PGAM5: variants seen among roughly 807,000 people sequenced by gnomAD.
The protein encoded by PGAM5 is serine/threonine-protein phosphatase PGAM5, mitochondrial.
Under a neutral mutation model 30.6 loss-of-function variants are expected in PGAM5, and 25 were observed. The ratio of observed to expected loss-of-function variants is 0.82; its 90% CI spans 0.60 to 1.14. PGAM5 has a LOEUF of 1.14. Ranked by LOEUF, PGAM5 falls within the 50% of genes most tolerant of loss-of-function variation. PGAM5 has a pLI of 0.00. For missense variants in PGAM5, 384 were observed against 408.5 expected (o/e 0.94, Z 0.52); for synonymous variants, 201 against 179.1 (o/e 1.12, Z -0.98).
In PGAM5 at chr12:132,717,564, G is replaced by C; in HGVS notation, c.496G>C (p.Gly166Arg). 6.2e-7 allele frequency: 1 copy of C among 1,610,706 alleles called. No individual in the cohort carries two copies. Among genetic ancestry groups the C allele is most frequent in the South Asian group, 1.1e-5 (1 of 91,076 alleles). ...TTDIISRHLP[G>R]VCKVSTDLLR... ...CGATATCATCAGCCGGCACCTGCCA[G>C]GTGAGTGCTGCGCGCGGGGCCTCCA... is the stretch of plus-strand genomic sequence containing the variant. Residue 166 changes from glycine to arginine, a missense_variant and splice_region_variant, in exon 3 of 6, where the codon GGC (glycine) becomes CGC (arginine). Physicochemically the swap from Gly to Arg is moderately radical, Grantham distance 125. Coordinates refer to ENST00000498926, the MANE Select transcript of PGAM5 (RefSeq NM_001170543.2).
Position 132,710,852 on chromosome 12 carries a change from G to A in PGAM5, c.-25G>A. On this transcript the variant is annotated 5_prime_UTR_variant, in exon 1 of 6. Transcript: ENST00000498926. Reference sequence around the variant, plus strand: ...CGCCGTCGGGGCCGTGGGCGCCTGCGCGGGCCGGCGCGGGAGCAAGCGGCA... The same window carrying A: ...CGCCGTCGGGGCCGTGGGCGCCTGCACGGGCCGGCGCGGGAGCAAGCGGCA... 9.0e-7 allele frequency: 1 copy of A among 1,110,366 alleles called. No individual in the cohort carries two copies. The highest frequency in any genetic ancestry group is 1.1e-6 in the Non-Finnish European group (1 of 911,178). 68.8% of individuals were successfully genotyped at this position (1,110,366 alleles called of 1,614,324 possible). A position where few individuals can be genotyped will look rare whatever the true frequency, so the allele number is the denominator to read the frequency against.
chr12:132,718,830 T>C (rs749170726), intron 5 of PGAM5: 3 of 1,613,296 alleles, frequency 1.9e-6, no homozygotes, highest in South Asian at 1.1e-5. Flanking sequence ...CTTGCTGATC[T>C]GTGGGCGCTC....
intron 2 of PGAM5, 88 bp downstream of exon 2, chr12:132,715,124 G>A: frequency 1.5e-6 from 2 of 1,368,988 alleles, no homozygotes; most frequent in Non-Finnish European, 2.0e-6. Flanking sequence ...GTGACTGGGT[G>A]CAGGTCCTCC....
At position 132,717,707 on chromosome 12, in the gene PGAM5, C is replaced by CAG. The variant is rs1171601398; in HGVS notation, c.497-2_497-1dup. 6.4e-7 allele frequency: 1 copy of CAG among 1,570,052 alleles called. No individual in the cohort carries two copies. Among genetic ancestry groups the CAG allele is most frequent in the Non-Finnish European group, 8.6e-7 (1 of 1,157,552 alleles). ...CCCAGCGCTTCGCTGTGCTTCTCTG[C>CAG]AGGCGTCTGCAAAGTCAGCACAGAT... is the stretch of plus-strand genomic sequence containing the variant. On this transcript the variant is annotated splice_polypyrimidine_tract_variant and splice_region_variant and intron_variant, in intron 3 of 5. Coordinates refer to ENST00000498926, the MANE Select transcript of PGAM5 (RefSeq NM_001170543.2).
rs7486453 is a variant in PGAM5 at position 132,710,873 on chromosome 12, C to A, written c.-4C>A. The A allele has an allele frequency of 3.5e-6, 4 of 1,127,956 alleles. No homozygotes were observed. Among genetic ancestry groups the A allele is most frequent in the Non-Finnish European group, 4.3e-6 (4 of 922,822 alleles). The allele number at this position is 1,127,956 out of a possible 1,614,324, so 69.9% of individuals were successfully genotyped here. A position where few individuals can be genotyped will look rare whatever the true frequency, so the allele number is the denominator to read the frequency against. ...CTGCGCGGGCCGGCGCGGGAGCAAG[C>A]GGCATGGCGTTCCGGCAGGCGCTGC... On this transcript the variant is annotated 5_prime_UTR_variant, in exon 1 of 6. Coordinates refer to ENST00000498926, the MANE Select transcript of PGAM5 (RefSeq NM_001170543.2).
chr12:132,717,947 C>T (rs373242303), intron 4 of PGAM5, 40 bp from the exon 5 acceptor site: 40 of 1,610,196 alleles, frequency 2.5e-5, no homozygotes, highest in Non-Finnish European at 3.2e-5. Flanking sequence ...CCGCCCTGCC[C>T]GAGCACTTCC....
chr12:132,722,661 G>A lies in PGAM5; in HGVS notation c.*1833G>A, dbSNP rs2136091110. On this transcript the variant is annotated 3_prime_UTR_variant, in exon 6 of 6. Coordinates refer to ENST00000498926, the MANE Select transcript of PGAM5 (RefSeq NM_001170543.2). ...CTATTTTCTGTAGTCAATACAGTTG[G>A]GATATCTGATCTATTTCTCTGTCTA... is the stretch of plus-strand genomic sequence containing the variant. 1.3e-5 allele frequency: 2 copies of A among 152,304 alleles called. No individual in the cohort carries two copies. The highest frequency in any genetic ancestry group is 3.4e-3 in the Middle Eastern group (1 of 294). 9.4% of individuals were successfully genotyped at this position (152,304 alleles called of 1,614,324 possible). A position where few individuals can be genotyped will look rare whatever the true frequency, so the allele number is the denominator to read the frequency against.
At chr12:132,716,244 C>A (rs554479739) in intron 2 of PGAM5, among the ~76,000 whole-genome samples, 3 of 152,100 alleles carry the variant, frequency 2.0e-5, no homozygotes, top group Non-Finnish European at 4.4e-5. Flanking sequence ...CGCTGCCACT[C>A]CCAGCTATTT....
At chr12:132,720,099 G>GTCGATCCCAGTCATCGATTCACA (rs1461778452) in intron 5 of PGAM5, among the ~76,000 whole-genome samples, 2 of 52,342 alleles carry the variant, frequency 3.8e-5, no homozygotes, top group African/African-American at 5.2e-5. Flanking sequence ...CTCCATTCAT[G>GTCGATCCCAGTCATCGATTCACA]TCGATCCCAG....
chr12:132,717,321 C>T lies in PGAM5; in HGVS notation c.371-118C>T, dbSNP rs117210549. ...TTGCGGGCGGAGGAGGGGGTGTTTG[C>T]GGGCGGAGGAGGGGGTGTTTGAGGG... is the stretch of plus-strand genomic sequence containing the variant. On this transcript the variant is annotated intron_variant, in intron 2 of 5. Coordinates refer to ENST00000498926, the MANE Select transcript of PGAM5 (RefSeq NM_001170543.2). The T allele has an allele frequency of 2.7e-3, 2,490 of 907,250 alleles. 41 individuals are homozygous for T. In the East Asian group the frequency reaches 0.055, roughly 20 times the overall value. 56.2% of individuals were successfully genotyped at this position (907,250 alleles called of 1,614,324 possible).
chr12:132,715,262 AC>A (rs1190715600), intron 2 of PGAM5, among the ~76,000 whole-genome samples: 2 of 152,326 alleles, frequency 1.3e-5, no homozygotes, highest in South Asian at 2.1e-4. Context: ...TGGACAGAAG[AC>A]AAGCTTTTCA....
In PGAM5 at chr12:132,717,519, A is replaced by G. The variant is rs2043592667; in HGVS notation, c.451A>G (p.Thr151Ala). The stretch of plus-strand genomic sequence containing the variant: ...TAATAAAATCGTCCATTCGTCTATG[A>G]CGCGCGCCATAGAGACCACCGATAT... ...KFNKIVHSSM[T>A]RAIETTDIIS... Residue 151 changes from threonine to alanine, a missense_variant, in exon 3 of 6, where the codon ACG becomes GCG. By Grantham distance (58) the Thr-to-Ala change is moderately conservative. Transcript: ENST00000498926. 6.2e-7 allele frequency: 1 copy of G among 1,610,762 alleles called. No homozygotes were observed. Among genetic ancestry groups the G allele is most frequent in the East Asian group, 2.2e-5 (1 of 44,850 alleles).
intron 2 of PGAM5, 24 bp from the exon 3 acceptor site, chr12:132,717,415 A>G (rs1315199787): frequency 6.4e-7 from 1 of 1,573,132 alleles, no homozygotes; most frequent in Non-Finnish European, 8.5e-7. Flanking sequence ...CAGGTGCGGC[A>G]CTCAGGTGCC....
chr12:132,715,152 G>A, intron 2 of PGAM5, 116 bp downstream of exon 2: 2 of 1,160,260 alleles, frequency 1.7e-6, no homozygotes, highest in Non-Finnish European at 2.4e-6. Flanking sequence ...CCCTTGGTCA[G>A]CTTTCTTGAA....
rs2043515280 is a variant in PGAM5 at position 132,710,926 on chromosome 12, G to A, written c.50G>A (p.Gly17Asp). 6 of 1,159,956 alleles carry A rather than the reference G, an allele frequency of 5.2e-6. No homozygotes were observed. The highest frequency in any genetic ancestry group is 6.4e-6 in the Non-Finnish European group (6 of 942,948). 71.9% of individuals were successfully genotyped at this position (1,159,956 alleles called of 1,614,324 possible). ...LQLAACGLAG[G>D]SAAVLFSAVA... The stretch of plus-strand genomic sequence containing the variant: ...CTGGCGGCCTGCGGGCTGGCCGGGG[G>A]CTCGGCCGCCGTGCTCTTCTCGGCC... Residue 17 changes from glycine (G) to aspartate (D), a missense_variant, in exon 1 of 6, where the codon GGC becomes GAC. Physicochemically the swap from Gly to Asp is moderately conservative, Grantham distance 94. Coordinates refer to ENST00000498926, the MANE Select transcript of PGAM5 (RefSeq NM_001170543.2).
chr12:132,714,343 A>C (rs2043551418), intron 1 of PGAM5, among the ~76,000 whole-genome samples: 1 of 152,224 alleles, frequency 6.6e-6, no homozygotes, highest in African/African-American at 2.4e-5. Context: ...GCTTAGTATG[A>C]CTGAGGACAT....
intron 3 of PGAM5, 56 bp from the exon 4 acceptor site, chr12:132,717,654 C>T (rs1354127406): frequency 5.7e-6 from 9 of 1,581,700 alleles, no homozygotes; most frequent in African/African-American, 1.3e-5. Flanking sequence ...CGGGAGGTCA[C>T]AGCATCTCCG....
intron 1 of PGAM5, 180 bp downstream of exon 1, chr12:132,711,247 C>A: frequency 2.4e-6 from 1 of 409,074 alleles, no homozygotes; most frequent in Non-Finnish European, 3.8e-6. Flanking sequence ...GTTCCGGGGG[C>A]GGCTGACCCT....
Position 132,718,000 on chromosome 12 carries a change from ACGGAGCCCG to A in PGAM5, c.600_608del (p.Asp200_Arg203delinsGlu). Reference sequence around the variant, plus strand: ...CTCTGCCCCCAGCAGTATTACGAAGACGGAGCCCGGATCGAGGCCGCCTTCCGGAACTAC... The same window carrying A: ...CTCTGCCCCCAGCAGTATTACGAAGAGATCGAGGCCGCCTTCCGGAACTAC... On this transcript the variant is annotated inframe_deletion, in exon 5 of 6. Coordinates refer to ENST00000498926, the MANE Select transcript of PGAM5 (RefSeq NM_001170543.2). 7 of 1,612,694 alleles carry A rather than the reference ACGGAGCCCG, an allele frequency of 4.3e-6. No homozygotes were observed. Among genetic ancestry groups the A allele is most frequent in the Non-Finnish European group, 5.9e-6 (7 of 1,179,962 alleles).
Sources: gnomAD v4.1 joint callset for allele counts (sites outside exome capture counted in the v4.1 genomes callset) on GRCh38, gnomAD v4.1.1 for gene constraint, MANE v1.5 for transcripts, NCBI Gene and HGNC (gene_info 2026-07-23, HGNC 2026-07-21) for gene names.